The following MAGI1 variants were observed in gnomAD, a reference collection of about 807,000 sequenced individuals.
MAGI1 encodes the protein membrane associated guanylate kinase, WW and PDZ domain containing 1, also known as membrane-associated guanylate kinase, WW and PDZ domain-containing protein 1.
MAGI1 carries 58 observed loss-of-function variants against 139.9 expected under a neutral mutation model. That is an observed-to-expected ratio of 0.41 (90% CI 0.34 to 0.52). MAGI1 has a LOEUF of 0.52. MAGI1 is among the 20% of genes least tolerant of loss of function. The pLI is 0.12. For synonymous variants in MAGI1, 812 were observed against 737.9 expected (o/e 1.10, Z -1.63); for missense variants, 1,874 against 1,901.6 (o/e 0.99, Z 0.27).
chr3:65,769,966 G>T (rs1227436264), intron 1 of MAGI1, among the ~76,000 whole-genome samples: 2 of 152,142 alleles, frequency 1.3e-5, no homozygotes. Flanking sequence ...GGGCCCTTGG[G>T]CAAAGATGTT....
intron 1 of MAGI1, among the ~76,000 whole-genome samples, chr3:65,809,092 A>G (rs1252067041): frequency 6.6e-6 from 1 of 152,232 alleles, no homozygotes; most frequent in Non-Finnish European, 1.5e-5. Context: ...TATGGTCCAC[A>G]GGGCCCATGG....
At chr3:65,859,238 T>G (rs1264424859) in intron 1 of MAGI1, among the ~76,000 whole-genome samples, 1 of 151,202 alleles carries the variant, frequency 6.6e-6, no homozygotes, top group Non-Finnish European at 1.5e-5. Flanking sequence ...GTGGCTGAGG[T>G]GGAAGAATCA....
At chr3:65,461,513 G>A (rs1318469937) in intron 5 of MAGI1, among the ~76,000 whole-genome samples, 59 of 122,436 alleles carry the variant, frequency 4.8e-4, no homozygotes, top group African/African-American at 1.8e-3. Context: ...TTTTAAGACA[G>A]AGTCTCACTC....
intron 2 of MAGI1, among the ~76,000 whole-genome samples, chr3:65,572,213 C>T (rs1224035916): frequency 6.6e-6 from 1 of 152,002 alleles, no homozygotes; most frequent in Non-Finnish European, 1.5e-5. Context: ...CAATATCACC[C>T]TATAGAAAGG....
chr3:65,520,297 G>A (rs997178593), intron 2 of MAGI1, among the ~76,000 whole-genome samples: 2 of 152,202 alleles, frequency 1.3e-5, no homozygotes, highest in African/African-American at 4.8e-5. Flanking sequence ...CAAACTAGCC[G>A]TAAGGGAAAA....
At position 65,354,913 on chromosome 3, in the gene MAGI1, T is replaced by TC. The variant is rs1252639782; in HGVS notation, c.*1464dup. On this transcript the variant is annotated 3_prime_UTR_variant, in exon 23 of 23. Transcript: ENST00000402939. Reference sequence around the variant, plus strand: ...TTTTTTTCTTTTTCCTTTTTTTTTTTCTTACAGTACCATGGGAACAACAGT... The same window carrying TC: ...TTTTTTTCTTTTTCCTTTTTTTTTTTCCTTACAGTACCATGGGAACAACAGT... The TC allele has an allele frequency of 6.6e-6, 1 of 152,368 alleles. No individual in the cohort carries two copies. Among genetic ancestry groups the TC allele is most frequent in the Non-Finnish European group, 1.5e-5 (1 of 67,976 alleles). 9.4% of individuals were successfully genotyped at this position (152,368 alleles called of 1,614,324 possible). A position where few individuals can be genotyped will look rare whatever the true frequency, so the allele number is the denominator to read the frequency against.
At chr3:65,553,781 A>C (rs2079963787) in intron 2 of MAGI1, among the ~76,000 whole-genome samples, 1 of 152,126 alleles carries the variant, frequency 6.6e-6, no homozygotes, top group African/African-American at 2.4e-5. Flanking sequence ...TAGACCTTGG[A>C]CTCTGCAGTC....
chr3:65,758,735 C>G (rs1317201513), intron 1 of MAGI1, among the ~76,000 whole-genome samples: 1 of 151,992 alleles, frequency 6.6e-6, no homozygotes, highest in African/African-American at 2.4e-5. Context: ...TATTCGGCCT[C>G]AAATATGGCA....
chr3:65,393,084 C>T (rs1437428891), intron 13 of MAGI1, among the ~76,000 whole-genome samples: 2 of 152,164 alleles, frequency 1.3e-5, no homozygotes, highest in African/African-American at 4.8e-5. Flanking sequence ...TTTTGAGGAT[C>T]AAGTGCTCAG....
intron 1 of MAGI1, among the ~76,000 whole-genome samples, chr3:65,996,391 A>G (rs906247408): frequency 1.3e-5 from 2 of 152,158 alleles, no homozygotes; most frequent in African/African-American, 4.8e-5. Context: ...TTTAAATCTC[A>G]TAATTCCACC....
At chr3:65,440,762 T>C (rs776859224) in intron 8 of MAGI1, among the ~76,000 whole-genome samples, 4 of 151,842 alleles carry the variant, frequency 2.6e-5, no homozygotes, top group East Asian at 1.9e-4. Flanking sequence ...TCCAAACACT[T>C]AGATGGCTAC....
In MAGI1 at chr3:65,360,318, A is replaced by G. The variant is rs572672032; in HGVS notation, c.3634+881T>C. ...AAACTTTGGTAGACCTTTGGTTGGG[A>G]AAAAAAGCCCTACATCTAGGGCATA... On this transcript the variant is annotated intron_variant, in intron 22 of 22. Transcript: ENST00000402939. 8.1e-6 allele frequency: 8 copies of G among 982,506 alleles called. No homozygotes were observed. In the East Asian group the frequency reaches 3.4e-4, roughly 42 times the overall value. 60.9% of individuals were successfully genotyped at this position (982,506 alleles called of 1,614,324 possible). A position where few individuals can be genotyped will look rare whatever the true frequency, so the allele number is the denominator to read the frequency against.
At chr3:65,713,988 C>CA (rs1457307600) in intron 1 of MAGI1, among the ~76,000 whole-genome samples, 3 of 152,054 alleles carry the variant, frequency 2.0e-5, no homozygotes, top group East Asian at 3.9e-4. Context: ...AAAGCTCAAA[C>CA]AAAAAAATCA....
chr3:65,566,369 T>A (rs1426542310), intron 2 of MAGI1, among the ~76,000 whole-genome samples: 4 of 152,180 alleles, frequency 2.6e-5, no homozygotes, highest in Non-Finnish European at 5.9e-5. Flanking sequence ...GCTGTTAACA[T>A]CAGAACATTA....
intron 1 of MAGI1, among the ~76,000 whole-genome samples, chr3:65,891,885 A>AAT (rs55826911): frequency 5.3e-5 from 2 of 37,552 alleles, no homozygotes; most frequent in Non-Finnish European, 6.0e-5. Context: ...CTTAAAGTAT[A>AAT]ATATATATAT....
At chr3:65,424,899 T>C (rs1946896463) in intron 12 of MAGI1, among the ~76,000 whole-genome samples, 1 of 151,932 alleles carries the variant, frequency 6.6e-6, no homozygotes. Flanking sequence ...TGAGACCCTG[T>C]CTCTACAAAA....
At chr3:65,882,916 C>T (rs1421860335) in intron 1 of MAGI1, among the ~76,000 whole-genome samples, 1 of 115,530 alleles carries the variant, frequency 8.7e-6, no homozygotes, top group Non-Finnish European at 1.7e-5. Flanking sequence ...GCCTGGGCAA[C>T]AGAGCAAGAC....
intron 2 of MAGI1, among the ~76,000 whole-genome samples, chr3:65,565,662 G>A (rs1208133210): frequency 6.6e-6 from 1 of 151,830 alleles, no homozygotes; most frequent in African/African-American, 2.4e-5. Flanking sequence ...TTCAAGACCA[G>A]CCTGGTCAAC....
intron 1 of MAGI1, among the ~76,000 whole-genome samples, chr3:65,888,081 G>C (rs2060601610): frequency 6.6e-6 from 1 of 152,042 alleles, no homozygotes; most frequent in Non-Finnish European, 1.5e-5. Context: ...CTTTATAAAA[G>C]GTGCCCAGTT....
Sources: allele counts gnomAD v4.1 joint callset (sites outside exome capture counted in the v4.1 genomes callset), GRCh38; gene constraint gnomAD v4.1.1; transcripts MANE v1.5; gene names NCBI Gene and HGNC (gene_info 2026-07-23, HGNC 2026-07-21).